Variants in IQGAP2 observed in about 807,000 individuals in gnomAD.
The protein encoded by IQGAP2 is IQ motif containing GTPase activating protein 2, also known as ras GTPase-activating-like protein IQGAP2.
Under a neutral mutation model 201.3 loss-of-function variants are expected in IQGAP2, and 173 were observed. That is an observed-to-expected ratio of 0.86 (90% CI 0.76 to 0.98). IQGAP2 has a LOEUF of 0.98. IQGAP2 is among the 50% of genes least tolerant of loss of function. IQGAP2 has a pLI of 0.00. For missense variants in IQGAP2, 1,687 were observed against 1,864.8 expected, an observed-to-expected ratio of 0.90 and a Z score of 1.76; for synonymous variants, 675 against 673.9, an observed-to-expected ratio of 1.00 and a Z score of -0.03.
chr5:76,589,810 G>T, intron 7 of IQGAP2, 82 bp downstream of exon 7: 1 of 653,520 alleles, frequency 1.5e-6, no homozygotes, highest in Admixed American at 3.7e-5. Flanking sequence ...ACTCGAAATA[G>T]AATATTTAGA....
rs1746451414 is a variant in IQGAP2, at chr5:76,693,418, A to G, written c.3969A>G (p.Leu1323=). The G allele has an allele frequency of 6.2e-7, 1 of 1,612,916 alleles. No homozygotes were observed. The highest frequency in any genetic ancestry group is 8.5e-7 in the Non-Finnish European group (1 of 1,178,890). The change falls in exon 31 of 36, where the codon TTA becomes TTG. Residue 1323 remains leucine (L), a synonymous_variant. Coordinates refer to ENST00000274364, the MANE Select transcript of IQGAP2 (RefSeq NM_006633.5). ...CAGGGAACACATTGACAGAAATCTTAGAGACACCAGCAACTGCGCAACAGG... is the reference window on the plus strand; with the variant it reads ...CAGGGAACACATTGACAGAAATCTTGGAGACACCAGCAACTGCGCAACAGG... ...NQPGNTLTEI[L]ETPATAQQEV... is the part of the protein sequence containing the mutation.
At chr5:76,435,347 C>A (rs889860614) in intron 1 of IQGAP2, among the ~76,000 whole-genome samples, 4 of 152,078 alleles carry the variant, frequency 2.6e-5, no homozygotes, top group Non-Finnish European at 4.4e-5. Flanking sequence ...AGATTTAAGT[C>A]TTTGAGCCAT....
chr5:76,625,393 T>C (rs140779693), intron 13 of IQGAP2, among the ~76,000 whole-genome samples: 1 of 152,292 alleles, frequency 6.6e-6, no homozygotes, highest in Non-Finnish European at 1.5e-5. Context: ...CTGGGGAGTG[T>C]TGGGTTCTCT....
At chr5:76,418,152 A>G (rs1033803615) in intron 1 of IQGAP2, among the ~76,000 whole-genome samples, 1 of 145,162 alleles carries the variant, frequency 6.9e-6, no homozygotes, top group Admixed American at 7.2e-5. Flanking sequence ...GGTTGCAGTG[A>G]GCTGAGATTG....
rs1750609450 is a variant in IQGAP2, at chr5:76,403,293, T to C, written c.-253T>C. The C allele has an allele frequency of 2.9e-6, 1 of 343,522 alleles. No homozygotes were observed. The highest frequency in any genetic ancestry group is 4.9e-5 in the Admixed American group (1 of 20,612). The allele number at this position is 343,522 out of a possible 1,614,324, so 21.3% of individuals were successfully genotyped here. The stretch of plus-strand genomic sequence containing the variant: ...TGGCTGGAGGAGAAAGGAAACCTGC[T>C]GCGGGAGGCGGCGGCGACCGGCCAG... On this transcript the variant is annotated 5_prime_UTR_variant, in exon 1 of 36. Transcript: ENST00000274364. This position sits in a 1 kb window ranked among gnomAD's most constrained non-coding sequence, Gnocchi z 4.8.
At chr5:76,667,294 T>C (rs564980085) in intron 22 of IQGAP2, among the ~76,000 whole-genome samples, 1 of 152,228 alleles carries the variant, frequency 6.6e-6, no homozygotes, top group East Asian at 1.9e-4. Context: ...TTTCAACCAA[T>C]CATTATGAAC....
At chr5:76,409,268 A>T (rs1199996220) in intron 1 of IQGAP2, among the ~76,000 whole-genome samples, 1 of 97,242 alleles carries the variant, frequency 1.0e-5, no homozygotes. Flanking sequence ...TTTTTTTGAG[A>T]CAGAGTCTTG....
At chr5:76,604,171 C>T (rs1747632469) in intron 11 of IQGAP2, among the ~76,000 whole-genome samples, 1 of 151,974 alleles carries the variant, frequency 6.6e-6, no homozygotes, top group Non-Finnish European at 1.5e-5. Context: ...TTGTTGTTCC[C>T]CTCCCTGTGA....
At position 76,461,566 on chromosome 5, in the gene IQGAP2, C is replaced by G; in HGVS notation, c.47-4C>G. ...AATCACATGTTGTTATCCTCTATTT[C>G]TAGCTATTGTGGACGATGAAAGGCT... On this transcript the variant is annotated splice_region_variant and splice_polypyrimidine_tract_variant and intron_variant, in intron 1 of 35. Coordinates refer to ENST00000274364, the MANE Select transcript of IQGAP2 (RefSeq NM_006633.5). 2 of 1,606,000 alleles carry G rather than the reference C, an allele frequency of 1.2e-6. No homozygotes were observed. Among genetic ancestry groups the G allele is most frequent in the East Asian group, 2.2e-5 (1 of 44,800 alleles).
chr5:76,597,219 C>A, intron 9 of IQGAP2: 1 of 556,036 alleles, frequency 1.8e-6, no homozygotes, highest in Non-Finnish European at 3.2e-6. Flanking sequence ...CCCTAAGCTC[C>A]ATCAATGCTA....
intron 2 of IQGAP2, among the ~76,000 whole-genome samples, chr5:76,494,705 G>A (rs1229920614): frequency 6.6e-6 from 1 of 152,018 alleles, no homozygotes; most frequent in Non-Finnish European, 1.5e-5. Context: ...TTTTGGTCTT[G>A]TCACCTAGCC....
chr5:76,627,660 G>A (rs915688925), intron 14 of IQGAP2, among the ~76,000 whole-genome samples, 160 bp downstream of exon 14: 1 of 152,174 alleles, frequency 6.6e-6, no homozygotes, highest in Non-Finnish European at 1.5e-5. Context: ...CCTATTGTCA[G>A]TGATTTGACT....
Position 76,698,111 on chromosome 5 carries a change from C to T in IQGAP2, c.4331C>T (p.Thr1444Ile). ...FYEEQINYYD[T>I]YIKTCLDNLK... is the part of the protein sequence containing the mutation. ...GAAGAGCAAATCAATTATTATGACACCTACATAAAGACTTGTTTAGACAAC... is the reference window on the plus strand; with the variant it reads ...GAAGAGCAAATCAATTATTATGACATCTACATAAAGACTTGTTTAGACAAC... Residue 1444 changes from threonine (T) to isoleucine (I), a missense_variant, in exon 33 of 36, where the codon ACC becomes ATC. Transcript: ENST00000274364. 6.2e-7 allele frequency: 1 copy of T among 1,607,250 alleles called. No homozygotes were observed. Among genetic ancestry groups the T allele is most frequent in the Non-Finnish European group, 8.5e-7 (1 of 1,174,424 alleles).
intron 10 of IQGAP2, among the ~76,000 whole-genome samples, chr5:76,599,210 T>G (rs2150320390): frequency 6.6e-6 from 1 of 152,278 alleles, no homozygotes; most frequent in South Asian, 2.1e-4. Context: ...AGGCCTCATC[T>G]TTACAAAAAT....
intron 2 of IQGAP2, among the ~76,000 whole-genome samples, chr5:76,507,008 A>C (rs1757639164): frequency 6.6e-6 from 1 of 152,230 alleles, no homozygotes; most frequent in Non-Finnish European, 1.5e-5. Flanking sequence ...GGATATTGAC[A>C]AACTGACTCT....
chr5:76,695,759 A>T, intron 32 of IQGAP2, 93 bp downstream of exon 32: 3 of 861,036 alleles, frequency 3.5e-6, no homozygotes, highest in African/African-American at 3.5e-5. Flanking sequence ...GGCATTAGGG[A>T]TTCATGGTTG....
In IQGAP2 at chr5:76,632,022, A is replaced by G; in HGVS notation, c.1776A>G (p.Glu592=). Reference sequence around the variant, plus strand: ...TGAAGGCAAAAGAGCTCAAATCTGAAAGAGGTAAGTTGGTTTGTTACTTTA... The same window carrying G: ...TGAAGGCAAAAGAGCTCAAATCTGAGAGAGGTAAGTTGGTTTGTTACTTTA... ...ALVKAKELKS[E]RVSSDGSWLK... The change falls in exon 15 of 36, where the codon GAA becomes GAG. Residue 592 remains glutamate (E), a synonymous_variant. Coordinates refer to ENST00000274364, the MANE Select transcript of IQGAP2 (RefSeq NM_006633.5). 6.2e-7 allele frequency: 1 copy of G among 1,603,632 alleles called. No individual in the cohort carries two copies. Among genetic ancestry groups the G allele is most frequent in the Non-Finnish European group, 8.5e-7 (1 of 1,175,892 alleles).
At chr5:76,562,929 G>A (rs1000811418) in intron 3 of IQGAP2, among the ~76,000 whole-genome samples, 1 of 152,182 alleles carries the variant, frequency 6.6e-6, no homozygotes, top group Non-Finnish European at 1.5e-5. Flanking sequence ...TAGGAAGGTC[G>A]AATGATCAGC....
intron 11 of IQGAP2, 50 bp from the exon 12 acceptor site, chr5:76,606,129 C>T (rs369251580): frequency 2.5e-5 from 37 of 1,502,632 alleles, no homozygotes; most frequent in East Asian, 4.6e-5. Flanking sequence ...ACAACAGGAA[C>T]GAAGAATGAA....
Sources: allele counts gnomAD v4.1 joint callset (sites outside exome capture counted in the v4.1 genomes callset), GRCh38; gene constraint gnomAD v4.1.1; non-coding constraint Gnocchi (gnomAD v3.1); transcripts MANE v1.5; gene names NCBI Gene and HGNC (gene_info 2026-07-23, HGNC 2026-07-21).